RAB11FIP4: variants seen among roughly 807,000 people sequenced by gnomAD.
RAB11FIP4 encodes RAB11 family interacting protein 4, also known as rab11 family-interacting protein 4.
A neutral mutation model predicts 74.3 loss-of-function variants in RAB11FIP4; 23 were observed. That is an observed-to-expected ratio of 0.31 (90% confidence interval 0.22 to 0.44). RAB11FIP4 has a LOEUF of 0.44. RAB11FIP4 is among the 20% of genes least tolerant of loss of function. RAB11FIP4 has a pLI of 1.00. For missense variants in RAB11FIP4, 630 were observed against 863.9 expected, an observed-to-expected ratio of 0.73 and a Z score of 3.39; for synonymous variants, 360 against 359.9, an observed-to-expected ratio of 1.00 and a Z score of 0.00.
chr17:31,427,180 C>T (rs1323244996), intron 1 of RAB11FIP4, among the ~76,000 whole-genome samples: 2 of 152,166 alleles, frequency 1.3e-5, no homozygotes, highest in South Asian at 4.1e-4. Flanking sequence ...AGGCTGGTCT[C>T]GAACTCCTGA....
chr17:31,468,639 GCCAACATGGTGAAACC>G (rs1293421926), intron 3 of RAB11FIP4, among the ~76,000 whole-genome samples: 2 of 152,006 alleles, frequency 1.3e-5, no homozygotes, highest in Non-Finnish European at 2.9e-5. Context: ...GACCATCCTG[GCCAACATGGTGAAACC>G]CCATCTCTAC....
rs1191087578 is a variant in RAB11FIP4, at chr17:31,534,167, C to T, written c.*2435C>T. The T allele has an allele frequency of 2.0e-5, 3 of 152,194 alleles. No individual in the cohort carries two copies. The highest frequency in any genetic ancestry group is 7.2e-5 in the African/African-American group (3 of 41,442). The allele number at this position is 152,194 out of a possible 1,614,324, so 9.4% of individuals were successfully genotyped here. On this transcript the variant is annotated 3_prime_UTR_variant, in exon 15 of 15. Transcript: ENST00000621161. ...CTTGATCTTTGTTTCTGCCCTTACC[C>T]CTCAGTAGTGGGGCTGCGAGGTAGT...
At chr17:31,463,094 G>T (rs143181348) in intron 3 of RAB11FIP4, among the ~76,000 whole-genome samples, 47 of 152,304 alleles carry the variant, frequency 3.1e-4, no homozygotes, top group African/African-American at 1.1e-3. Flanking sequence ...AGCCAGTAAA[G>T]CTTAAGCCAT....
chr17:31,507,134 C>T (rs1483622194), intron 3 of RAB11FIP4, among the ~76,000 whole-genome samples: 1 of 152,142 alleles, frequency 6.6e-6, no homozygotes, highest in African/African-American at 2.4e-5. Flanking sequence ...AAAAAATTAG[C>T]CAGGCGTGGT....
At chr17:31,528,820 G>A (rs778963719) in intron 13 of RAB11FIP4, 42 bp downstream of exon 13, 97 of 1,577,398 alleles carry the variant, frequency 6.1e-5, no homozygotes, top group South Asian at 1.7e-4. Flanking sequence ...CAGGGTGGCC[G>A]GGCCCACCAC....
chr17:31,431,844 A>G lies in RAB11FIP4; in HGVS notation c.191A>G (p.Asn64Ser). ...VEKLVKYLDP[N>S]DLGRINFKDF... ...AAACTTGTGAAATATTTGGATCCCA[A>G]CGACCTGGGGAGAATCAACTTCAAG... Residue 64 changes from asparagine to serine, a missense_variant, in exon 2 of 15, where the codon AAC becomes AGC. Asn to Ser is a conservative substitution (Grantham distance 46). Transcript: ENST00000621161. 6.2e-7 allele frequency: 1 copy of G among 1,613,408 alleles called. No homozygotes were observed. The highest frequency in any genetic ancestry group is 8.5e-7 in the Non-Finnish European group (1 of 1,179,626).
At chr17:31,449,295 G>A (rs1236768445) in intron 3 of RAB11FIP4, among the ~76,000 whole-genome samples, 1 of 151,964 alleles carries the variant, frequency 6.6e-6, no homozygotes, top group African/African-American at 2.4e-5. Flanking sequence ...TTCACAAACA[G>A]CCCCTCACCC....
intron 3 of RAB11FIP4, among the ~76,000 whole-genome samples, chr17:31,515,224 C>T (rs1357015620): frequency 6.6e-6 from 1 of 152,030 alleles, no homozygotes; most frequent in Non-Finnish European, 1.5e-5. Flanking sequence ...CAGCTTCAGG[C>T]TTGGGGATGA....
chr17:31,430,471 C>T (rs952478281), intron 1 of RAB11FIP4, among the ~76,000 whole-genome samples: 1 of 151,010 alleles, frequency 6.6e-6, no homozygotes, highest in Admixed American at 6.6e-5. Context: ...CATTCTCCTG[C>T]CTCAGCCTCC....
intron 1 of RAB11FIP4, among the ~76,000 whole-genome samples, chr17:31,421,230 C>T (rs1567649732): frequency 1.3e-5 from 2 of 151,000 alleles, no homozygotes; most frequent in Admixed American, 6.6e-5. Context: ...CTTTTCTTTT[C>T]TTTTTTTTTG....
At chr17:31,437,356 C>A (rs532306027) in intron 3 of RAB11FIP4, among the ~76,000 whole-genome samples, 19 of 152,244 alleles carry the variant, frequency 1.2e-4, no homozygotes, top group African/African-American at 4.3e-4. Flanking sequence ...AGGTCAAGAC[C>A]ACAGCTCTGC....
intron 3 of RAB11FIP4, among the ~76,000 whole-genome samples, chr17:31,510,670 G>A (rs139320800): frequency 1.3e-5 from 2 of 152,306 alleles, no homozygotes; most frequent in East Asian, 3.9e-4. Context: ...ACCCTGGTGG[G>A]GAGAAAGAGG....
At chr17:31,410,927 C>T (rs1448542503) in intron 1 of RAB11FIP4, among the ~76,000 whole-genome samples, 1 of 152,178 alleles carries the variant, frequency 6.6e-6, no homozygotes, top group Non-Finnish European at 1.5e-5. Context: ...GAAAATGCAG[C>T]TTCCAGGGTC....
At position 31,528,704 on chromosome 17, in the gene RAB11FIP4, T is replaced by C. The variant is rs140578480; in HGVS notation, c.1579T>C (p.Ser527Pro). ...CERPGRGRSASSGLGEFNARA... is the reference protein window; with the variant it reads ...CERPGRGRSAPSGLGEFNARA... ...GCGGCCAGGCAGGGGCCGCAGTGCC[T>C]CCTCTGGCCTAGGCGAGTTCAATGC... The change falls in exon 13 of 15, where the codon TCC becomes CCC. Residue 527 changes from serine (S) to proline (P), a missense_variant. Ser to Pro is a moderately conservative substitution (Grantham distance 74). Coordinates refer to ENST00000621161, the MANE Select transcript of RAB11FIP4 (RefSeq NM_032932.6). The C allele has an allele frequency of 2.1e-5, 34 of 1,612,250 alleles. No homozygotes were observed. In the African/African-American group the frequency reaches 4.4e-4, roughly 21 times the overall value.
chr17:31,504,515 G>A (rs749863581), intron 3 of RAB11FIP4, among the ~76,000 whole-genome samples: 9 of 152,094 alleles, frequency 5.9e-5, no homozygotes, highest in Non-Finnish European at 1.0e-4. Context: ...ATAAGCGCTC[G>A]CCTCGGTCTC....
chr17:31,504,056 C>T (rs116992969), intron 3 of RAB11FIP4, among the ~76,000 whole-genome samples: 1,513 of 149,436 alleles, frequency 0.01, 38 homozygotes, highest in Middle Eastern at 0.024. Flanking sequence ...CAGGCAATAA[C>T]ACTTTTCCTT....
intron 3 of RAB11FIP4, among the ~76,000 whole-genome samples, chr17:31,478,105 G>A (rs2071812555): frequency 6.7e-6 from 1 of 149,946 alleles, no homozygotes; most frequent in Non-Finnish European, 1.5e-5. Context: ...CGATTCCCCT[G>A]CCTCAGCTTC....
chr17:31,468,018 A>G (rs185331211), intron 3 of RAB11FIP4, among the ~76,000 whole-genome samples: 7 of 152,344 alleles, frequency 4.6e-5, no homozygotes, highest in Non-Finnish European at 7.4e-5. Context: ...GGAAGGGGAC[A>G]GAGAGCAGGT....
intron 1 of RAB11FIP4, among the ~76,000 whole-genome samples, chr17:31,398,049 TCAGA>T (rs1431168110): frequency 6.6e-6 from 1 of 151,888 alleles, no homozygotes; most frequent in Non-Finnish European, 1.5e-5. Context: ...TAATTTTTTG[TCAGA>T]CACTTTTTTT....
Sources: gnomAD v4.1 joint callset for allele counts (sites outside exome capture counted in the v4.1 genomes callset) on GRCh38, gnomAD v4.1.1 for gene constraint, MANE v1.5 for transcripts, NCBI Gene and HGNC (gene_info 2026-07-23, HGNC 2026-07-21) for gene names.